The following ZNF367 variants were observed in gnomAD, a reference collection of about 807,000 sequenced individuals.
The protein encoded by ZNF367 is C2H2 zinc finger protein ZFF29.
Under a neutral mutation model 31.8 loss-of-function variants are expected in ZNF367, and 11 were observed. The ratio of observed to expected loss-of-function variants is 0.35; its 90% CI spans 0.22 to 0.57. ZNF367 has a LOEUF of 0.57. Among genes scored for constraint, ZNF367 ranks in the 20% least tolerant of loss-of-function variants. The pLI is 0.85. For synonymous variants in ZNF367, 199 were observed against 202.4 expected (o/e 0.98, Z 0.14); for missense variants, 353 against 484.1 (o/e 0.73, Z 2.54).
At chr9:96,393,529 A>T (rs184366106) in intron 3 of ZNF367, among the ~76,000 whole-genome samples, 194 of 150,930 alleles carry the variant, frequency 1.3e-3, no homozygotes, top group African/African-American at 4.5e-3. Context: ...CAAAACAATA[A>T]AAAATAAATA....
chr9:96,392,357 G>A (rs201429673), intron 4 of ZNF367, 41 bp downstream of exon 4: 65 of 1,613,632 alleles, frequency 4.0e-5, no homozygotes, highest in Non-Finnish European at 4.7e-5. Context: ...CCCAGCCCGC[G>A]CTGTGCATCT....
intron 1 of ZNF367, among the ~76,000 whole-genome samples, chr9:96,400,867 A>C (rs1001061418): frequency 2.6e-5 from 4 of 152,222 alleles, no homozygotes; most frequent in African/African-American, 7.2e-5. Context: ...AAATAAAGGG[A>C]TCCACACCAA....
Position 96,417,714 on chromosome 9 carries a change from G to C in ZNF367, c.319C>G (p.Arg107Gly). ...GCGGGCGGGGGCGCGCCCCGGCCAC[G>C]AAGCCCCGAGTGCTCGGCGGCTGCG... ...AAAAAEHSGL[R>G]GRGAPPPAAS... is the part of the protein sequence containing the mutation. The change falls in exon 1 of 5, where the codon CGT (arginine) becomes GGT (glycine). Residue 107 changes from arginine to glycine, a missense_variant. Coordinates refer to ENST00000375256, the MANE Select transcript of ZNF367 (RefSeq NM_153695.4). The surrounding 1 kb of genome is among the most constrained non-coding windows in gnomAD (Gnocchi z 5.0). 1 of 1,193,126 alleles carries C rather than the reference G, an allele frequency of 8.4e-7. No individual in the cohort carries two copies. Among genetic ancestry groups the C allele is most frequent in the Non-Finnish European group, 1.0e-6 (1 of 958,096 alleles). 73.9% of individuals were successfully genotyped at this position (1,193,126 alleles called of 1,614,324 possible).
intron 4 of ZNF367, among the ~76,000 whole-genome samples, chr9:96,391,541 G>C (rs1399046693): frequency 6.6e-6 from 1 of 152,158 alleles, no homozygotes; most frequent in Non-Finnish European, 1.5e-5. Context: ...GCAGGGCTAT[G>C]GCAGCACAGC....
intron 1 of ZNF367, among the ~76,000 whole-genome samples, chr9:96,409,178 A>C (rs1831710416): frequency 6.6e-6 from 1 of 152,200 alleles, no homozygotes; most frequent in Non-Finnish European, 1.5e-5. Flanking sequence ...CCTCACCAGA[A>C]GCAGATTCTG....
Position 96,418,080 on chromosome 9 carries a change from G to T in ZNF367, c.-48C>A. On this transcript the variant is annotated 5_prime_UTR_variant, in exon 1 of 5. Transcript: ENST00000375256. The stretch of plus-strand genomic sequence containing the variant: ...CGGCGGCCCCGGGCCGCACTCCTGA[G>T]CACCGCTCTGCCCCTCACTCGCTCT... 7.5e-7 allele frequency: 1 copy of T among 1,334,088 alleles called. No homozygotes were observed. The highest frequency in any genetic ancestry group is 1.9e-5 in the South Asian group (1 of 53,918). The allele number at this position is 1,334,088 out of a possible 1,614,324, so 82.6% of individuals were successfully genotyped here.
chr9:96,392,764 GA>G lies in ZNF367; in HGVS notation c.692-229del, dbSNP rs553218665. Among the ~76,000 whole-genome samples the G allele has an allele frequency of 3.9e-5, 6 of 152,312 alleles. 1 individual carries two copies. The East Asian group carries it at 1.2e-3, about 29-fold the overall frequency. On this transcript the variant is annotated intron_variant, in intron 3 of 4. Transcript: ENST00000375256. ...TGGCCATGTGTGTCCAACACCATTG[GA>G]AAGTGATTTATTAGCATGAGTTCAA...
Position 96,418,317 on chromosome 9 carries a change from GA to G in ZNF367, c.-286del. ...GGCGGCCCGGCCCTTGCGGTGACAG[GA>G]AAGCAGGACGCGCGGCGCTGAGCCC... On this transcript the variant is annotated 5_prime_UTR_variant, in exon 1 of 5. Coordinates refer to ENST00000375256, the MANE Select transcript of ZNF367 (RefSeq NM_153695.4). The G allele has an allele frequency of 2.6e-6, 1 of 391,108 alleles. No homozygotes were observed. The highest frequency in any genetic ancestry group is 4.5e-6 in the Non-Finnish European group (1 of 224,480). The allele number at this position is 391,108 out of a possible 1,614,324, so 24.2% of individuals were successfully genotyped here. A position where few individuals can be genotyped will look rare whatever the true frequency, so the allele number is the denominator to read the frequency against.
At chr9:96,400,684 C>T (rs938014336) in intron 1 of ZNF367, among the ~76,000 whole-genome samples, 1 of 152,058 alleles carries the variant, frequency 6.6e-6, no homozygotes, top group African/African-American at 2.4e-5. Flanking sequence ...GGGAAATCAA[C>T]AGAGTCTAAG....
chr9:96,413,580 G>C (rs1427889897), intron 1 of ZNF367, among the ~76,000 whole-genome samples: 1 of 152,138 alleles, frequency 6.6e-6, no homozygotes, highest in Non-Finnish European at 1.5e-5. Context: ...TGCAGTCTTA[G>C]TAGAGGGCAC....
intron 2 of ZNF367, among the ~76,000 whole-genome samples, chr9:96,397,887 C>T (rs911312150): frequency 6.6e-6 from 1 of 151,682 alleles, no homozygotes; most frequent in South Asian, 2.1e-4. Context: ...GTCAGGAGTT[C>T]GAGACCAGCC....
chr9:96,410,575 A>C (rs1442923561), intron 1 of ZNF367, among the ~76,000 whole-genome samples: 10 of 147,576 alleles, frequency 6.8e-5, no homozygotes, highest in South Asian at 2.2e-4. Context: ...AAAAAAAAAA[A>C]AAAACAAAAA....
chr9:96,403,032 T>G (rs1831627539), intron 1 of ZNF367, among the ~76,000 whole-genome samples: 1 of 151,264 alleles, frequency 6.6e-6, no homozygotes, highest in African/African-American at 2.4e-5. Flanking sequence ...TGCAGTGGCA[T>G]GATCTCAGCT....
At chr9:96,409,445 T>G (rs1015141747) in intron 1 of ZNF367, among the ~76,000 whole-genome samples, 12 of 152,228 alleles carry the variant, frequency 7.9e-5, no homozygotes, top group Non-Finnish European at 1.6e-4. Flanking sequence ...ATGAGCCATG[T>G]TGAGGCTGAG....
chr9:96,386,003 T>C lies in ZNF367; in HGVS notation c.*2234A>G, dbSNP rs1009484566. ...TAAAATTACAGCATGTTTATTCTTA[T>C]GCTGTTAACTCTGCCAAACTACAAC... On this transcript the variant is annotated 3_prime_UTR_variant, in exon 5 of 5. Coordinates refer to ENST00000375256, the MANE Select transcript of ZNF367 (RefSeq NM_153695.4). 1 of 152,226 alleles carries C rather than the reference T, an allele frequency of 6.6e-6. No individual in the cohort carries two copies. Among genetic ancestry groups the C allele is most frequent in the Non-Finnish European group, 1.5e-5 (1 of 68,022 alleles). The allele number at this position is 152,226 out of a possible 1,614,324, so 9.4% of individuals were successfully genotyped here.
At chr9:96,394,234 C>T (rs1410926368) in intron 3 of ZNF367, among the ~76,000 whole-genome samples, 1 of 152,110 alleles carries the variant, frequency 6.6e-6, no homozygotes, top group Non-Finnish European at 1.5e-5. Flanking sequence ...AAGCCAGGCA[C>T]AGAAAGACAA....
At chr9:96,402,906 C>CTCTTTCCAT (rs2131077008) in intron 1 of ZNF367, among the ~76,000 whole-genome samples, 1 of 152,188 alleles carries the variant, frequency 6.6e-6, no homozygotes, top group South Asian at 2.1e-4. Context: ...CAAGTATCTT[C>CTCTTTCCAT]TCTGACCTCA....
At chr9:96,394,441 T>A (rs1831506375) in intron 3 of ZNF367, among the ~76,000 whole-genome samples, 1 of 152,178 alleles carries the variant, frequency 6.6e-6, no homozygotes, top group South Asian at 2.1e-4. Context: ...GTGACTATAG[T>A]CAATAATAAT....
intron 4 of ZNF367, among the ~76,000 whole-genome samples, chr9:96,389,161 A>G (rs887505376): frequency 6.6e-6 from 1 of 152,048 alleles, no homozygotes; most frequent in East Asian, 1.9e-4. Flanking sequence ...TTTGCCGGGC[A>G]TGGTGGCAGG....
Sources: gnomAD v4.1 joint callset for allele counts (sites outside exome capture counted in the v4.1 genomes callset) on GRCh38, gnomAD v4.1.1 for gene constraint, Gnocchi (gnomAD v3.1) non-coding constraint, MANE v1.5 for transcripts, NCBI Gene and HGNC (gene_info 2026-07-23, HGNC 2026-07-21) for gene names.